WTIP: variants seen among roughly 807,000 people sequenced by gnomAD.
WTIP encodes Wilms tumor protein 1-interacting protein.
A neutral mutation model predicts 41.7 loss-of-function variants in WTIP; 23 were observed. The ratio of observed to expected loss-of-function variants is 0.55; its 90% CI spans 0.40 to 0.78. The LOEUF is 0.78. Among genes scored for constraint, WTIP ranks in the 30% least tolerant of loss-of-function variants. The pLI, the probability that WTIP is intolerant of heterozygous loss-of-function variation, is 0.00. For synonymous variants in WTIP, 314 were observed against 269.9 expected, an observed-to-expected ratio of 1.16 and a Z score of -1.60; for missense variants, 619 against 610.5, an observed-to-expected ratio of 1.01 and a Z score of -0.15.
rs1300078529 is a variant in WTIP, at chr19:34,482,131, G to T, written c.157G>T (p.Gly53Trp). The change falls in exon 1 of 8, where the codon GGG (glycine) becomes TGG (tryptophan). Residue 53 changes from glycine (G) to tryptophan (W), a missense_variant. Around this residue, in one of 3 missense-constraint regions of WTIP, gnomAD observed 363 missense variants for 309.0 expected, o/e 1.17. Transcript: ENST00000590071. Reference protein sequence around the residue: ...DEAAPALGRRGKGSGGPEAGA... With the variant: ...DEAAPALGRRWKGSGGPEAGA... ...GGCGGCGCCCGCGCTGGGCCGCAGA[G>T]GGAAGGGCAGCGGCGGCCCCGAGGC... The T allele has an allele frequency of 1.3e-5, 14 of 1,055,770 alleles. No homozygotes were observed. The highest frequency in any genetic ancestry group is 1.6e-5 in the Non-Finnish European group (14 of 877,244). The allele number at this position is 1,055,770 out of a possible 1,614,324, so 65.4% of individuals were successfully genotyped here. A position where few individuals can be genotyped will look rare whatever the true frequency, so the allele number is the denominator to read the frequency against.
chr19:34,490,584 C>A, intron 2 of WTIP, 107 bp downstream of exon 2: 1 of 1,207,438 alleles, frequency 8.3e-7, no homozygotes, highest in Non-Finnish European at 1.2e-6. Flanking sequence ...GACCACCTGG[C>A]TCTGGCCCAG....
Position 34,493,344 on chromosome 19 carries a change from C to T in WTIP, c.900+19C>T. 6.2e-7 allele frequency: 1 copy of T among 1,609,918 alleles called. No individual in the cohort carries two copies. Among genetic ancestry groups the T allele is most frequent in the South Asian group, 1.1e-5 (1 of 90,422 alleles). On this transcript the variant is annotated intron_variant, in intron 4 of 7. Coordinates refer to ENST00000590071, the MANE Select transcript of WTIP (RefSeq NM_001080436.2). This position sits in a 1 kb window ranked among gnomAD's most constrained non-coding sequence, Gnocchi z 4.1. ...GGAAATGGTGAGCCCCTGCCCCAGC[C>T]TCCTGGAGCCCCTCTGACGTGGGTG...
In WTIP at chr19:34,508,063, G is replaced by T. The variant is rs1446461694; in HGVS notation, c.*7794G>T. The T allele has an allele frequency of 2.0e-5, 3 of 152,058 alleles. No homozygotes were observed. Among genetic ancestry groups the T allele is most frequent in the Admixed American group, 2.0e-4 (3 of 15,254 alleles). 9.4% of individuals were successfully genotyped at this position (152,058 alleles called of 1,614,324 possible). The stretch of plus-strand genomic sequence containing the variant: ...AAGGATCCCTCCTCATTCTCTGTTA[G>T]TGTGAGGTGGGACTTTTTTTTTTGT... On this transcript the variant is annotated 3_prime_UTR_variant, in exon 8 of 8. Transcript: ENST00000590071.
At chr19:34,496,867 A>C (rs2075856805) in intron 7 of WTIP, among the ~76,000 whole-genome samples, 1 of 143,054 alleles carries the variant, frequency 7.0e-6, no homozygotes. Flanking sequence ...TCTTCTCTGA[A>C]TCTTTTTTTT....
chr19:34,505,360 G>T lies in WTIP; in HGVS notation c.*5091G>T, dbSNP rs8100257. 3.8e-3 allele frequency: 576 copies of T among 152,332 alleles called. 1 individual carries two copies. Among genetic ancestry groups the T allele is most frequent in the Non-Finnish European group, 6.8e-3 (462 of 68,104 alleles). The allele number at this position is 152,332 out of a possible 1,614,324, so 9.4% of individuals were successfully genotyped here. On this transcript the variant is annotated 3_prime_UTR_variant, in exon 8 of 8. Transcript: ENST00000590071. ...CCACTTCCCTGGCCCTGAGGGCATT[G>T]CTGGGCCACCATCCCAGACCTGGGG...
chr19:34,496,489 A>G (rs994548139), intron 7 of WTIP, among the ~76,000 whole-genome samples: 10 of 151,950 alleles, frequency 6.6e-5, no homozygotes, highest in Non-Finnish European at 1.2e-4. Context: ...TATGGCGTCT[A>G]CCCCATTCTA....
chr19:34,492,181 C>T (rs975819206), intron 2 of WTIP, among the ~76,000 whole-genome samples: 4 of 147,626 alleles, frequency 2.7e-5, no homozygotes, highest in Non-Finnish European at 4.5e-5. Context: ...GGCCCAATCA[C>T]GGCTCACTGC....
In WTIP at chr19:34,482,592, C is replaced by T. The variant is rs997953052; in HGVS notation, c.618C>T (p.Thr206=). 2 of 1,230,396 alleles carry T rather than the reference C, an allele frequency of 1.6e-6. No individual in the cohort carries two copies. The highest frequency in any genetic ancestry group is 4.2e-5 in the Admixed American group (1 of 23,562). The allele number at this position is 1,230,396 out of a possible 1,614,324, so 76.2% of individuals were successfully genotyped here. ...CCGAGCGGCGGCTGGAGGCGCTCACCCGGGAGCTGGAGCGGGCGCTCGAGG... is the reference window on the plus strand; with the variant it reads ...CCGAGCGGCGGCTGGAGGCGCTCACTCGGGAGCTGGAGCGGGCGCTCGAGG... ...SAAERRLEAL[T]RELERALEAR... is the part of the protein sequence containing the mutation. The change falls in exon 1 of 8, where the codon ACC becomes ACT. Residue 206 remains threonine (T), a synonymous_variant. Coordinates refer to ENST00000590071, the MANE Select transcript of WTIP (RefSeq NM_001080436.2).
At chr19:34,488,753 C>T (rs1183140465) in intron 1 of WTIP, among the ~76,000 whole-genome samples, 4 of 151,922 alleles carry the variant, frequency 2.6e-5, no homozygotes, top group Non-Finnish European at 4.4e-5. Flanking sequence ...ATCACACATC[C>T]TTGGCCGGGC....
Position 34,496,899 on chromosome 19 carries a change from G to A in WTIP, c.1152+1128G>A, listed in dbSNP as rs558373751. Among the ~76,000 whole-genome samples, 6 of 151,850 alleles carry A rather than the reference G, an allele frequency of 4.0e-5. 1 individual carries two copies. The highest frequency in any genetic ancestry group is 8.8e-5 in the Non-Finnish European group (6 of 67,984). ...TTTTTGTTGAGATGAGTCTCACTCCGTTGCCCAGGCTGCAGTGCAGTGGCA... is the reference window on the plus strand; with the variant it reads ...TTTTTGTTGAGATGAGTCTCACTCCATTGCCCAGGCTGCAGTGCAGTGGCA... On this transcript the variant is annotated intron_variant, in intron 7 of 7. Coordinates refer to ENST00000590071, the MANE Select transcript of WTIP (RefSeq NM_001080436.2).
At chr19:34,496,918 A>G (rs1453896057) in intron 7 of WTIP, among the ~76,000 whole-genome samples, 1 of 152,002 alleles carries the variant, frequency 6.6e-6, no homozygotes, top group African/African-American at 2.4e-5. Flanking sequence ...GCTGCAGTGC[A>G]GTGGCACTAT....
At chr19:34,487,577 A>G (rs1448421946) in intron 1 of WTIP, among the ~76,000 whole-genome samples, 1 of 152,176 alleles carries the variant, frequency 6.6e-6, no homozygotes, top group Non-Finnish European at 1.5e-5. Context: ...GGGCCACCCG[A>G]TAGCAAGATC....
chr19:34,490,117 A>G (rs1174449231), intron 1 of WTIP, among the ~76,000 whole-genome samples: 2 of 152,182 alleles, frequency 1.3e-5, no homozygotes, highest in African/African-American at 4.8e-5. Flanking sequence ...AACAGTTGTG[A>G]TGGACAGCTT....
At position 34,485,659 on chromosome 19, in the gene WTIP, TC is replaced by T. The variant is rs377317159; in HGVS notation, c.667+3019del. On this transcript the variant is annotated intron_variant, in intron 1 of 7. Transcript: ENST00000590071. ...CCTAGGCTGGAGTGCAGTGGTGAGA[TC>T]AGCGCTCATTGCAGCCTTGAACTCC... 5.3e-4 allele frequency among the ~76,000 whole-genome samples: 81 copies of T among 151,970 alleles called. No individual in the cohort carries two copies. The East Asian group carries it at 7.0e-3, about 13-fold the overall frequency.
At chr19:34,482,758 A>C (rs1306781902) in intron 1 of WTIP, 117 bp downstream of exon 1, 3 of 1,200,372 alleles carry the variant, frequency 2.5e-6, no homozygotes, top group Non-Finnish European at 3.1e-6. Flanking sequence ...CTGGGGGTGC[A>C]GCAGTGCACG....
In WTIP at chr19:34,508,474, C is replaced by A. The variant is rs1057305232; in HGVS notation, c.*8205C>A. The A allele has an allele frequency of 6.6e-6, 1 of 152,046 alleles. No homozygotes were observed. The highest frequency in any genetic ancestry group is 2.4e-5 in the African/African-American group (1 of 41,398). 9.4% of individuals were successfully genotyped at this position (152,046 alleles called of 1,614,324 possible). A position where few individuals can be genotyped will look rare whatever the true frequency, so the allele number is the denominator to read the frequency against. ...CAGTCCACCCTATGCAAGCAGAAGC[C>A]TCTTTGGTTTTAGTTTTAAAGGTGC... On this transcript the variant is annotated 3_prime_UTR_variant, in exon 8 of 8. Coordinates refer to ENST00000590071, the MANE Select transcript of WTIP (RefSeq NM_001080436.2).
chr19:34,495,565 A>T (rs1311046133), intron 6 of WTIP, 138 bp from the exon 7 acceptor site: 4 of 866,864 alleles, frequency 4.6e-6, no homozygotes, highest in Non-Finnish European at 7.3e-6. Context: ...CGCCCCACAG[A>T]AGCAGCGTGG....
chr19:34,501,411 C>G lies in WTIP; in HGVS notation c.*1142C>G, dbSNP rs2075885988. ...CCCCATGAAATGCAGTGTGGAGGTC[C>G]CTCCGTGCTCCCCGGGACACACTGA... On this transcript the variant is annotated 3_prime_UTR_variant, in exon 8 of 8. Coordinates refer to ENST00000590071, the MANE Select transcript of WTIP (RefSeq NM_001080436.2). 2.6e-5 allele frequency: 4 copies of G among 152,270 alleles called. No homozygotes were observed. Among genetic ancestry groups the G allele is most frequent in the Admixed American group, 2.0e-4 (3 of 15,284 alleles). The allele number at this position is 152,270 out of a possible 1,614,324, so 9.4% of individuals were successfully genotyped here. A position where few individuals can be genotyped will look rare whatever the true frequency, so the allele number is the denominator to read the frequency against.
chr19:34,484,209 G>A (rs2075785681), intron 1 of WTIP, among the ~76,000 whole-genome samples: 1 of 152,184 alleles, frequency 6.6e-6, no homozygotes, highest in Non-Finnish European at 1.5e-5. Flanking sequence ...ACAGGCGTGA[G>A]CCACCGTGCC....
Sources: gnomAD v4.1 joint callset for allele counts (sites outside exome capture counted in the v4.1 genomes callset) on GRCh38, gnomAD v4.1.1 for gene constraint, gnomAD v4.1.1 regional missense constraint, Gnocchi (gnomAD v3.1) non-coding constraint, MANE v1.5 for transcripts, NCBI Gene and HGNC (gene_info 2026-07-23, HGNC 2026-07-21) for gene names.